CSDC2: variants seen among roughly 807,000 people sequenced by gnomAD.
The protein encoded by CSDC2 is cold shock domain-containing protein C2.
A neutral mutation model predicts 15.8 loss-of-function variants in CSDC2; 8 were observed. The ratio of observed to expected loss-of-function variants is 0.51; its 90% CI spans 0.30 to 0.92. The LOEUF (loss-of-function observed/expected upper bound fraction) is 0.92, where lower values mean the gene tolerates loss of function less well. CSDC2 is among the 40% of genes least tolerant of loss of function. The pLI, the probability that CSDC2 is intolerant of heterozygous loss-of-function variation, is 0.07. For missense variants in CSDC2, 195 were observed against 213.3 expected (o/e 0.91, Z 0.53); for synonymous variants, 96 against 92.3 (o/e 1.04, Z -0.23).
rs548659554 is a variant in CSDC2, at chr22:41,575,189, C to G, written c.*294C>G. ...CTCCCTGCCGCAGACACGCAGGACC[C>G]GCTCGCCCTCCTGCTTACCCGTCCC... is the stretch of plus-strand genomic sequence containing the variant. On this transcript the variant is annotated 3_prime_UTR_variant, in exon 4 of 4. Coordinates refer to ENST00000306149, the MANE Select transcript of CSDC2 (RefSeq NM_014460.4). 7.7e-5 allele frequency: 36 copies of G among 470,108 alleles called. No homozygotes were observed. The highest frequency in any genetic ancestry group is 1.2e-4 in the Non-Finnish European group (31 of 259,090). The allele number at this position is 470,108 out of a possible 1,614,324, so 29.1% of individuals were successfully genotyped here.
chr22:41,561,439 C>T (rs1399976431), intron 1 of CSDC2, among the ~76,000 whole-genome samples: 1 of 152,190 alleles, frequency 6.6e-6, no homozygotes, highest in East Asian at 1.9e-4. Context: ...CTGGGACCTG[C>T]GTCTGGCTCA....
intron 1 of CSDC2, among the ~76,000 whole-genome samples, chr22:41,569,576 G>A (rs1182989493): frequency 6.6e-6 from 1 of 152,092 alleles, no homozygotes; most frequent in Non-Finnish European, 1.5e-5. Flanking sequence ...TGTGTGCAGG[G>A]TTCATCTAGG....
At chr22:41,569,659 A>G (rs1569048264) in intron 1 of CSDC2, among the ~76,000 whole-genome samples, 1 of 152,058 alleles carries the variant, frequency 6.6e-6, no homozygotes, top group African/African-American at 2.4e-5. Context: ...TGTCTAGACC[A>G]TAATTTATTA....
intron 1 of CSDC2, among the ~76,000 whole-genome samples, chr22:41,563,798 G>A (rs1239218151): frequency 1.4e-4 from 21 of 151,934 alleles, no homozygotes; most frequent in Admixed American, 1.2e-3. Flanking sequence ...TAAGCCAGGC[G>A]CAGTGGCTCA....
chr22:41,561,518 C>T (rs750325380), intron 1 of CSDC2, among the ~76,000 whole-genome samples: 8 of 152,150 alleles, frequency 5.3e-5, no homozygotes, highest in Admixed American at 1.3e-4. Context: ...GAGAGAGGAC[C>T]GCCTTGACCA....
At chr22:41,561,831 C>A (rs543563332) in intron 1 of CSDC2, among the ~76,000 whole-genome samples, 6 of 152,218 alleles carry the variant, frequency 3.9e-5, no homozygotes, top group Non-Finnish European at 8.8e-5. Flanking sequence ...CAGGGCACAG[C>A]CCCCGGAGGG....
intron 1 of CSDC2, among the ~76,000 whole-genome samples, chr22:41,562,993 G>C (rs1291515343): frequency 6.6e-6 from 1 of 152,114 alleles, no homozygotes; most frequent in Non-Finnish European, 1.5e-5. Flanking sequence ...AGGTGGGACT[G>C]GGGTGCGTAT....
chr22:41,570,783 C>T (rs2067141234), intron 1 of CSDC2, among the ~76,000 whole-genome samples: 1 of 148,534 alleles, frequency 6.7e-6, no homozygotes, highest in African/African-American at 2.5e-5. Flanking sequence ...GATCACACCA[C>T]TGTACTCCAG....
rs558318507 is a variant in CSDC2, at chr22:41,574,994, C to T, written c.*99C>T. 1 of 1,344,598 alleles carries T rather than the reference C, an allele frequency of 7.4e-7. No individual in the cohort carries two copies. Among genetic ancestry groups the T allele is most frequent in the Non-Finnish European group, 1.0e-6 (1 of 990,336 alleles). 83.3% of individuals were successfully genotyped at this position (1,344,598 alleles called of 1,614,324 possible). A position where few individuals can be genotyped will look rare whatever the true frequency, so the allele number is the denominator to read the frequency against. ...TGCCCCACTGCCCTGGCTGATGAGT[C>T]CTTCGGTGGCCTCAGTGTGCACGTC... On this transcript the variant is annotated 3_prime_UTR_variant, in exon 4 of 4. Transcript: ENST00000306149.
chr22:41,570,780 C>A (rs1237228385), intron 1 of CSDC2, among the ~76,000 whole-genome samples: 2 of 150,216 alleles, frequency 1.3e-5, no homozygotes, highest in Non-Finnish European at 3.0e-5. Context: ...CGAGATCACA[C>A]CACTGTACTC....
intron 3 of CSDC2, among the ~76,000 whole-genome samples, chr22:41,574,107 A>G (rs1442855850): frequency 1.3e-5 from 2 of 152,072 alleles, no homozygotes; most frequent in African/African-American, 2.4e-5. Flanking sequence ...GTAGAGATGG[A>G]TATCATGTCT....
At chr22:41,565,715 G>T (rs1279302412) in intron 1 of CSDC2, among the ~76,000 whole-genome samples, 1 of 152,220 alleles carries the variant, frequency 6.6e-6, no homozygotes, top group African/African-American at 2.4e-5. Context: ...TGCCAAGAAG[G>T]CTGAGTCACC....
Position 41,573,698 on chromosome 22 carries a change from A to G in CSDC2, c.220A>G (p.Lys74Glu). The stretch of plus-strand genomic sequence containing the variant: ...TGGCCCCGTGTTCAAGGGCGTCTGT[A>G]AGCAGTTCTCACGCTCACAGGGCCA... Reference protein sequence around the residue: ...SAGPVFKGVCKQFSRSQGHGF... With the variant: ...SAGPVFKGVCEQFSRSQGHGF... Residue 74 changes from lysine to glutamate, a missense_variant, in exon 3 of 4, where the codon AAG (lysine) becomes GAG (glutamate). Transcript: ENST00000306149. 1.9e-6 allele frequency: 3 copies of G among 1,613,708 alleles called. No individual in the cohort carries two copies. The highest frequency in any genetic ancestry group is 2.5e-6 in the Non-Finnish European group (3 of 1,179,874).
At chr22:41,562,406 CAAA>C (rs10642302) in intron 1 of CSDC2, among the ~76,000 whole-genome samples, 1 of 132,004 alleles carries the variant, frequency 7.6e-6, no homozygotes. Context: ...TCACCCCCTT[CAAA>C]AAAAAAAAAA....
At chr22:41,562,669 G>A (rs2067093403) in intron 1 of CSDC2, among the ~76,000 whole-genome samples, 1 of 152,180 alleles carries the variant, frequency 6.6e-6, no homozygotes, top group South Asian at 2.1e-4. Context: ...AGCCAGTCAT[G>A]TCCACGGTCA....
intron 1 of CSDC2, among the ~76,000 whole-genome samples, chr22:41,561,700 A>G (rs531393961): frequency 6.6e-6 from 1 of 152,184 alleles, no homozygotes; most frequent in African/African-American, 2.4e-5. Context: ...TGATGGGGAT[A>G]ATTGTGTTAG....
At position 41,573,740 on chromosome 22, in the gene CSDC2, G is replaced by A. The variant is rs750367703; in HGVS notation, c.262G>A (p.Glu88Lys). The change falls in exon 3 of 4, where the codon GAG becomes AAG. Residue 88 changes from glutamate (E) to lysine (K), a missense_variant. Glu to Lys is a moderately conservative substitution (Grantham distance 56). Transcript: ENST00000306149. ...RSQGHGFITP[E>K]NGSEDIFVHV... ...ACAGGGCCATGGCTTCATCACCCCC[G>A]AGAACGGGTCCGAGGACATCTTCGT... 1.9e-6 allele frequency: 3 copies of A among 1,613,818 alleles called. No homozygotes were observed. Among genetic ancestry groups the A allele is most frequent in the Non-Finnish European group, 1.7e-6 (2 of 1,179,898 alleles).
Position 41,569,269 on chromosome 22 carries a change from C to G in CSDC2, c.-123-2574C>G, listed in dbSNP as rs567131919. ...CCCGTCTTCTTTTTTTTGGTAACAG[C>G]TTTACTGAGATATCGTTCATATACC... On this transcript the variant is annotated intron_variant, in intron 1 of 3. Coordinates refer to ENST00000306149, the MANE Select transcript of CSDC2 (RefSeq NM_014460.4). Among the ~76,000 whole-genome samples, 4 of 152,322 alleles carry G rather than the reference C, an allele frequency of 2.6e-5. No homozygotes were observed. The South Asian group carries it at 8.3e-4, about 32-fold the overall frequency.
rs1602000547 is a variant in CSDC2 at position 41,575,516 on chromosome 22, A to G, written c.*621A>G. 6.5e-6 allele frequency: 1 copy of G among 152,732 alleles called. No individual in the cohort carries two copies. The highest frequency in any genetic ancestry group is 6.5e-5 in the Admixed American group (1 of 15,350). The allele number at this position is 152,732 out of a possible 1,614,324, so 9.5% of individuals were successfully genotyped here. A position where few individuals can be genotyped will look rare whatever the true frequency, so the allele number is the denominator to read the frequency against. On this transcript the variant is annotated 3_prime_UTR_variant, in exon 4 of 4. Transcript: ENST00000306149. ...TCTCTCAGTGCCATGGAGAGGCAGG[A>G]AGAGGGGCCTGAGGGCGGAAGGGGT...
Sources: gnomAD v4.1 joint callset for allele counts (sites outside exome capture counted in the v4.1 genomes callset) on GRCh38, gnomAD v4.1.1 for gene constraint, MANE v1.5 for transcripts, NCBI Gene and HGNC (gene_info 2026-07-23, HGNC 2026-07-21) for gene names.